EYS: variants seen among roughly 807,000 people sequenced by gnomAD.
The protein encoded by EYS is protein eyes shut homolog.
A neutral mutation model predicts 282.1 loss-of-function variants in EYS; 250 were observed. That is an observed-to-expected ratio of 0.89 (90% confidence interval 0.80 to 0.98). The LOEUF is 0.98. EYS is among the 50% of genes least tolerant of loss of function. The pLI is 0.00. For missense variants in EYS, 4,016 were observed against 3,709.0 expected, an observed-to-expected ratio of 1.08 and a Z score of -2.15; for synonymous variants, 1,355 against 1,282.9, an observed-to-expected ratio of 1.06 and a Z score of -1.20.
chr6:64,607,794 T>C (rs76822146), intron 24 of EYS, among the ~76,000 whole-genome samples: 2,258 of 152,240 alleles, frequency 0.015, 48 homozygotes, highest in African/African-American at 0.052. Flanking sequence ...CTTTCTGACG[T>C]AGTGCTCATG....
At chr6:65,221,170 A>C (rs953498530) in intron 12 of EYS, among the ~76,000 whole-genome samples, 1 of 152,244 alleles carries the variant, frequency 6.6e-6, no homozygotes, top group African/African-American at 2.4e-5. Context: ...GGAAAAGAAT[A>C]ACCCATTTTC....
At chr6:63,869,194 T>A (rs893112050) in intron 35 of EYS, among the ~76,000 whole-genome samples, 1 of 152,016 alleles carries the variant, frequency 6.6e-6, no homozygotes. Context: ...TAAGAGCAAA[T>A]AAAAGTCATA....
chr6:64,420,438 T>C (rs1006424860), intron 28 of EYS, among the ~76,000 whole-genome samples: 2 of 152,084 alleles, frequency 1.3e-5, no homozygotes, highest in East Asian at 1.9e-4. Flanking sequence ...TTGTTACTTA[T>C]GCAAATTTCT....
intron 13 of EYS, among the ~76,000 whole-genome samples, chr6:65,028,944 A>G (rs976200654): frequency 6.6e-6 from 1 of 152,034 alleles, no homozygotes; most frequent in African/African-American, 2.4e-5. Context: ...CTATTTTTCA[A>G]TTTATTATAC....
chr6:64,378,288 C>T (rs1449466480), intron 29 of EYS, among the ~76,000 whole-genome samples: 1 of 152,036 alleles, frequency 6.6e-6, no homozygotes, highest in Non-Finnish European at 1.5e-5. Context: ...GCTGAATATT[C>T]ATTAATCTGT....
Position 63,721,628 on chromosome 6 carries a change from C to G in EYS, c.8403G>C (p.Gly2801=). Residue 2801 remains glycine, a synonymous_variant, in exon 43 of 43, where the codon GGG becomes GGC. Transcript: ENST00000503581. ...VGAEGYLDLD[G]INVTEKASTK... is the part of the protein sequence containing the mutation. ...TGGAGGCCTTTTCTGTTACATTTAT[C>G]CCATCTAGATCCAGGTAGCCTTCTG... is the stretch of plus-strand genomic sequence containing the variant. 2 of 1,551,196 alleles carry G rather than the reference C, an allele frequency of 1.3e-6. No homozygotes were observed. Among genetic ancestry groups the G allele is most frequent in the Admixed American group, 2.0e-5 (1 of 50,974 alleles).
chr6:64,520,695 C>A (rs763907572), intron 26 of EYS, among the ~76,000 whole-genome samples: 10 of 151,734 alleles, frequency 6.6e-5, no homozygotes, highest in Non-Finnish European at 1.5e-4. Context: ...AGATTTAGTA[C>A]AACATTTTAA....
intron 30 of EYS, among the ~76,000 whole-genome samples, chr6:64,235,001 C>T (rs146333365): frequency 0.025 from 3,802 of 152,092 alleles, 70 homozygotes; most frequent in Non-Finnish European, 0.038. Flanking sequence ...CCACAGCCTC[C>T]CGAGTAGCTG....
chr6:65,653,741 C>T (rs887448176), intron 1 of EYS, among the ~76,000 whole-genome samples: 3 of 151,758 alleles, frequency 2.0e-5, no homozygotes, highest in East Asian at 1.9e-4. Flanking sequence ...TTGACATAGC[C>T]GAAGAGTGGT....
In EYS at chr6:63,864,192, T is replaced by C. The variant is rs1418033120; in HGVS notation, c.7222A>G (p.Thr2408Ala). ...CPYGRSGPLC[T>A]DAINITQPRF... ...AATAATCAAATGCTCTTACCATCAG[T>C]GCAGAGGGGTCCAGACCTCCCATAT... Residue 2408 changes from threonine (T) to alanine (A), a missense_variant, in exon 36 of 43, where the codon ACT (threonine) becomes GCT (alanine). Physicochemically the swap from Thr to Ala is moderately conservative, Grantham distance 58 (BLOSUM62 0). Transcript: ENST00000503581. The C allele has an allele frequency of 5.3e-5, 81 of 1,531,466 alleles. No individual in the cohort carries two copies. The highest frequency in any genetic ancestry group is 1.4e-4 in the Admixed American group (7 of 48,920). The allele number at this position is 1,531,466 out of a possible 1,614,324, so 94.9% of individuals were successfully genotyped here.
At position 65,604,842 on chromosome 6, in the gene EYS, C is replaced by CCCTTTTTTTTTTTTTTTTTTT. The variant is rs35924341; in HGVS notation, c.-333+34935_-333+34936insAAAAAAAAAAAAAAAAAAAGG. ...AAAAGACCTTTAAATTCACTGCCCC[C>CCCTTTTTTTTTTTTTTTTTTT]TTTTTTTTTTTTTTTTTTTGAGACA... On this transcript the variant is annotated intron_variant, in intron 2 of 42. Transcript: ENST00000503581. Among the ~76,000 whole-genome samples, 2 of 130,410 alleles carry CCCTTTTTTTTTTTTTTTTTTT rather than the reference C, an allele frequency of 1.5e-5. 1 individual carries two copies. Among genetic ancestry groups the CCCTTTTTTTTTTTTTTTTTTT allele is most frequent in the Non-Finnish European group, 3.3e-5 (2 of 61,360 alleles). The allele number at this position is 130,410 out of a possible 152,430, so 85.6% of individuals were successfully genotyped here. A position where few individuals can be genotyped will look rare whatever the true frequency, so the allele number is the denominator to read the frequency against.
intron 28 of EYS, among the ~76,000 whole-genome samples, chr6:64,406,838 G>C (rs1773728400): frequency 6.6e-6 from 1 of 152,138 alleles, no homozygotes; most frequent in Non-Finnish European, 1.5e-5. Context: ...AAATAGGAAT[G>C]CTTTTACACT....
At position 64,886,587 on chromosome 6, in the gene EYS, G is replaced by T. The variant is rs1583260149; in HGVS notation, c.2992+110C>A. ...AGACAAATTATCTCTTGACATTTTTGCCCTGTTTGCATCTGGCAGATTATT... is the reference window on the plus strand; with the variant it reads ...AGACAAATTATCTCTTGACATTTTTTCCCTGTTTGCATCTGGCAGATTATT... On this transcript the variant is annotated intron_variant, in intron 19 of 42. Transcript: ENST00000503581. The T allele has an allele frequency of 8.3e-6, 6 of 725,026 alleles. No homozygotes were observed. In the East Asian group the frequency reaches 1.0e-4, roughly 12 times the overall value. The allele number at this position is 725,026 out of a possible 1,614,324, so 44.9% of individuals were successfully genotyped here. A position where few individuals can be genotyped will look rare whatever the true frequency, so the allele number is the denominator to read the frequency against.
intron 2 of EYS, among the ~76,000 whole-genome samples, chr6:65,562,399 G>A (rs1040306931): frequency 6.6e-6 from 1 of 152,010 alleles, no homozygotes; most frequent in African/African-American, 2.4e-5. Context: ...TTATTGTAGT[G>A]TATTCCCATA....
rs769133109 is a variant in EYS at position 65,495,437 on chromosome 6, A to G, written c.-27T>C. The G allele has an allele frequency of 6.7e-5, 108 of 1,602,642 alleles. No individual in the cohort carries two copies. Among genetic ancestry groups the G allele is most frequent in the Non-Finnish European group, 8.7e-5 (102 of 1,179,050 alleles). On this transcript the variant is annotated 5_prime_UTR_variant, in exon 4 of 43. Transcript: ENST00000503581. ...TTCGGGTAGCTGTATTTTACAGTTTATCATAAAGAATTGCTGCAAAATGGT... is the reference window on the plus strand; with the variant it reads ...TTCGGGTAGCTGTATTTTACAGTTTGTCATAAAGAATTGCTGCAAAATGGT...
chr6:64,234,970 C>T (rs889720817), intron 30 of EYS, among the ~76,000 whole-genome samples: 7 of 151,868 alleles, frequency 4.6e-5, no homozygotes, highest in Admixed American at 1.3e-4. Flanking sequence ...CCCCGCCTCC[C>T]GGGTTCAAGC....
intron 29 of EYS, among the ~76,000 whole-genome samples, chr6:64,362,208 T>C (rs767015974): frequency 1.3e-4 from 19 of 151,700 alleles, no homozygotes; most frequent in Admixed American, 4.0e-4. Flanking sequence ...ATGACAACAG[T>C]AAGACATAGA....
intron 22 of EYS, among the ~76,000 whole-genome samples, chr6:64,778,168 T>A (rs1773737238): frequency 1.3e-5 from 2 of 152,132 alleles, no homozygotes; most frequent in Non-Finnish European, 2.9e-5. Flanking sequence ...CCTTCATGAT[T>A]GGTGAAGAAT....
chr6:65,478,626 G>C (rs1172677119), intron 5 of EYS, among the ~76,000 whole-genome samples: 1 of 151,978 alleles, frequency 6.6e-6, no homozygotes, highest in Non-Finnish European at 1.5e-5. Context: ...CCAAATTATA[G>C]TGAAGTCAGG....
Sources: gnomAD v4.1 joint callset for allele counts (sites outside exome capture counted in the v4.1 genomes callset) on GRCh38, gnomAD v4.1.1 for gene constraint, MANE v1.5 for transcripts, NCBI Gene and HGNC (gene_info 2026-07-23, HGNC 2026-07-21) for gene names.